The following PPFIBP1 variants were observed in gnomAD, a reference collection of about 807,000 sequenced individuals.
PPFIBP1 encodes the protein liprin-beta-1.
A neutral mutation model predicts 137.8 loss-of-function variants in PPFIBP1; 112 were observed. The observed-to-expected ratio is 0.81, with a 90% CI of 0.70 to 0.95. The LOEUF is 0.95. PPFIBP1 is among the 40% of genes least tolerant of loss of function. The pLI is 0.00. For missense variants in PPFIBP1, 1,083 were observed against 1,196.6 expected (o/e 0.91, Z 1.40); for synonymous variants, 378 against 417.3 (o/e 0.91, Z 1.15).
intron 1 of PPFIBP1, among the ~76,000 whole-genome samples, chr12:27,538,480 C>G (rs1945298024): frequency 6.6e-6 from 1 of 152,204 alleles, no homozygotes; most frequent in South Asian, 2.1e-4. Flanking sequence ...GTAGCACTAG[C>G]ATTACCTCCA....
intron 10 of PPFIBP1, among the ~76,000 whole-genome samples, chr12:27,660,559 G>A (rs1472409701): frequency 3.3e-5 from 5 of 152,116 alleles, no homozygotes; most frequent in Non-Finnish European, 5.9e-5. Flanking sequence ...TTTTAGAAAC[G>A]TTATGTTTTT....
chr12:27,611,593 C>T (rs1287049661), intron 2 of PPFIBP1, among the ~76,000 whole-genome samples: 2 of 152,152 alleles, frequency 1.3e-5, no homozygotes, highest in African/African-American at 4.8e-5. Flanking sequence ...CGTAGTTGAA[C>T]CGCAACACAA....
chr12:27,618,321 A>G (rs1325612667), intron 2 of PPFIBP1, among the ~76,000 whole-genome samples: 2 of 152,220 alleles, frequency 1.3e-5, no homozygotes, highest in Non-Finnish European at 2.9e-5. Context: ...TTAGGCCGTG[A>G]TGGGAAGGGG....
intron 2 of PPFIBP1, among the ~76,000 whole-genome samples, chr12:27,590,198 T>A (rs1198539059): frequency 1.3e-5 from 2 of 152,082 alleles, no homozygotes; most frequent in African/African-American, 4.8e-5. Flanking sequence ...TTTTTTGAGA[T>A]GGAGTCTCGC....
At chr12:27,560,630 GTTAC>G (rs2049078775) in intron 1 of PPFIBP1, among the ~76,000 whole-genome samples, 1 of 152,182 alleles carries the variant, frequency 6.6e-6, no homozygotes, top group South Asian at 2.1e-4. Context: ...GTGTGAGTGA[GTTAC>G]TTACATCAAC....
chr12:27,585,654 A>G (rs2051652470), intron 2 of PPFIBP1, among the ~76,000 whole-genome samples: 1 of 152,164 alleles, frequency 6.6e-6, no homozygotes. Flanking sequence ...AGTCTGGATA[A>G]AATGTACACT....
intron 1 of PPFIBP1, among the ~76,000 whole-genome samples, chr12:27,532,540 AT>A (rs759812471): frequency 1.6e-4 from 25 of 151,660 alleles, no homozygotes; most frequent in Non-Finnish European, 3.2e-4. Context: ...TTAAACATCT[AT>A]TTATTGGTCC....
chr12:27,565,408 G>T (rs1262385149), intron 1 of PPFIBP1, among the ~76,000 whole-genome samples: 6 of 152,208 alleles, frequency 3.9e-5, no homozygotes, highest in Non-Finnish European at 8.8e-5. Flanking sequence ...TGGAAATACT[G>T]TGTGGGCTAG....
intron 2 of PPFIBP1, among the ~76,000 whole-genome samples, chr12:27,617,159 G>A (rs10492372): frequency 0.024 from 3,663 of 152,280 alleles, 352 homozygotes; most frequent in Admixed American, 0.17. Context: ...ATCCAATAGA[G>A]GTGGCATAAA....
chr12:27,610,925 T>C lies in PPFIBP1; in HGVS notation c.-35-22437T>C, dbSNP rs117396305. On this transcript the variant is annotated intron_variant, in intron 2 of 29. Transcript: ENST00000228425. ...ATCTATGGAAGTGCCTAAATTTTAC[T>C]AGGGGTGAGGTGGGGAAAATAGGAA... 1.3e-4 allele frequency among the ~76,000 whole-genome samples: 20 copies of C among 151,770 alleles called. No individual in the cohort carries two copies. In the East Asian group the frequency reaches 3.9e-3, roughly 29 times the overall value.
chr12:27,595,868 C>CAA (rs2053167528), intron 2 of PPFIBP1, among the ~76,000 whole-genome samples: 1 of 86,256 alleles, frequency 1.2e-5, no homozygotes, highest in African/African-American at 6.1e-5. Flanking sequence ...ACAACAACAA[C>CAA]AACAACAACA....
At chr12:27,647,673 A>G in intron 5 of PPFIBP1, 56 bp from the exon 6 acceptor site, 1 of 1,053,490 alleles carries the variant, frequency 9.5e-7, no homozygotes, top group Non-Finnish European at 1.4e-6. Context: ...GAAATAACGT[A>G]TGCAGTGGGA....
chr12:27,616,039 G>T (rs1350922130), intron 2 of PPFIBP1, among the ~76,000 whole-genome samples: 1 of 152,098 alleles, frequency 6.6e-6, no homozygotes, highest in East Asian at 1.9e-4. Context: ...AATCGCTTGG[G>T]TACTTACTAA....
chr12:27,597,784 TTTTA>T (rs1205492526), intron 2 of PPFIBP1, among the ~76,000 whole-genome samples: 4 of 152,200 alleles, frequency 2.6e-5, no homozygotes, highest in Non-Finnish European at 4.4e-5. Context: ...AAACTTTAAA[TTTTA>T]TTTATTTATT....
At chr12:27,688,991 G>A (rs575658031) in intron 26 of PPFIBP1, 24 bp from the exon 27 acceptor site, 1 of 1,485,406 alleles carries the variant, frequency 6.7e-7, no homozygotes, top group Non-Finnish European at 9.2e-7. Context: ...CTTTTGACAA[G>A]CTTTTTTTTT....
intron 1 of PPFIBP1, among the ~76,000 whole-genome samples, chr12:27,577,266 T>TA (rs1458127231): frequency 1.3e-5 from 2 of 152,224 alleles, no homozygotes; most frequent in East Asian, 3.9e-4. Flanking sequence ...ATTAAGTTGT[T>TA]GCAACCTTGG....
In PPFIBP1 at chr12:27,558,732, A is replaced by G. The variant is rs542248261; in HGVS notation, c.-123-19420A>G. On this transcript the variant is annotated intron_variant, in intron 1 of 29. Transcript: ENST00000228425. ...TGTTTAAATGCACTGTAGGGCCCCA[A>G]TTCGGAAGTTGTGTTATCGCAAAGC... is the stretch of plus-strand genomic sequence containing the variant. Among the ~76,000 whole-genome samples the G allele has an allele frequency of 7.9e-5, 12 of 152,286 alleles. No homozygotes were observed. The South Asian group carries it at 2.5e-3, about 32-fold the overall frequency.
At chr12:27,640,376 C>G (rs2058029163) in intron 4 of PPFIBP1, among the ~76,000 whole-genome samples, 1 of 152,174 alleles carries the variant, frequency 6.6e-6, no homozygotes, top group East Asian at 1.9e-4. Context: ...ATCTTCGTAT[C>G]CTGTCACACA....
chr12:27,566,141 C>T (rs750776565), intron 1 of PPFIBP1, among the ~76,000 whole-genome samples: 1 of 151,930 alleles, frequency 6.6e-6, no homozygotes. Context: ...TGGTAGGTAT[C>T]GAATACATTT....
Sources: allele counts gnomAD v4.1 joint callset (sites outside exome capture counted in the v4.1 genomes callset), GRCh38; gene constraint gnomAD v4.1.1; transcripts MANE v1.5; gene names NCBI Gene and HGNC (gene_info 2026-07-23, HGNC 2026-07-21).